The following PTPRG variants were observed in gnomAD, a reference collection of about 807,000 sequenced individuals.
The protein encoded by PTPRG is receptor-type tyrosine-protein phosphatase gamma.
Under a neutral mutation model 165.3 loss-of-function variants are expected in PTPRG, and 102 were observed. The ratio of observed to expected loss-of-function variants is 0.62; its 90% CI spans 0.53 to 0.73. The LOEUF (loss-of-function observed/expected upper bound fraction) is 0.73, where lower values mean the gene tolerates loss of function less well. Among genes scored for constraint, PTPRG ranks in the 30% least tolerant of loss-of-function variants. The probability of loss-of-function intolerance (pLI) is 0.00; values close to 1 mark genes in which losing one functional copy is unlikely to be tolerated. For missense variants in PTPRG, 1,866 were observed against 1,861.4 expected (o/e 1.00, Z -0.05); for synonymous variants, 675 against 669.5 (o/e 1.01, Z -0.13).
intron 5 of PTPRG, among the ~76,000 whole-genome samples, chr3:62,130,071 G>A (rs1244211018): frequency 1.3e-5 from 2 of 152,138 alleles, no homozygotes; most frequent in Admixed American, 6.5e-5. Flanking sequence ...AAAACAGATC[G>A]TTTTATGGGT....
At chr3:61,801,822 C>T (rs527830314) in intron 2 of PTPRG, among the ~76,000 whole-genome samples, 147 of 152,128 alleles carry the variant, frequency 9.7e-4, no homozygotes, top group African/African-American at 3.3e-3. Context: ...GTTTGAGACC[C>T]GCCTGGCCAA....
At chr3:61,711,657 C>G (rs1486648581) in intron 1 of PTPRG, among the ~76,000 whole-genome samples, 1 of 152,166 alleles carries the variant, frequency 6.6e-6, no homozygotes. Context: ...AGGCAACATA[C>G]AGAATGGGAG....
In PTPRG at chr3:62,272,953, G is replaced by A. The variant is rs762879857; in HGVS notation, c.3190G>A (p.Val1064Met). ...GPVLVHCSAG[V>M]GRTGTYIVID... ...TGTCTTCATTTCTTACAGTGCTGGT[G>A]TGGGCAGAACAGGCACCTATATTGT... Residue 1064 changes from valine (V) to methionine (M), a missense_variant, in exon 22 of 30, where the codon GTG becomes ATG. This residue lies in a region of PTPRG where 1,452 missense variants were observed against 1,463.0 expected (regional missense o/e 0.99). Transcript: ENST00000474889. 12 of 1,609,128 alleles carry A rather than the reference G, an allele frequency of 7.5e-6. No homozygotes were observed. Among genetic ancestry groups the A allele is most frequent in the Non-Finnish European group, 1.0e-5 (12 of 1,178,070 alleles).
chr3:62,216,212 A>G (rs534115119), intron 12 of PTPRG, among the ~76,000 whole-genome samples: 58 of 122,550 alleles, frequency 4.7e-4, no homozygotes, highest in African/African-American at 1.9e-3. Flanking sequence ...ACCCTGTTTC[A>G]AAAAAGAAAA....
intron 4 of PTPRG, among the ~76,000 whole-genome samples, chr3:62,032,984 T>C (rs1699818358): frequency 6.6e-6 from 1 of 152,172 alleles, no homozygotes; most frequent in Non-Finnish European, 1.5e-5. Flanking sequence ...AGTTCTAAGA[T>C]AGTGACATGA....
chr3:61,571,630 G>A (rs538550846), intron 1 of PTPRG, among the ~76,000 whole-genome samples: 1 of 152,094 alleles, frequency 6.6e-6, no homozygotes, highest in Non-Finnish European at 1.5e-5. Flanking sequence ...ATTTGTTGGT[G>A]GTGAGTTTTT....
At chr3:61,587,610 T>C (rs1360613973) in intron 1 of PTPRG, among the ~76,000 whole-genome samples, 1 of 152,180 alleles carries the variant, frequency 6.6e-6, no homozygotes, top group Admixed American at 6.5e-5. Context: ...CCCACTAATG[T>C]CTTTTATTTA....
intron 1 of PTPRG, among the ~76,000 whole-genome samples, chr3:61,705,699 A>G (rs1441248116): frequency 6.6e-6 from 1 of 152,124 alleles, no homozygotes; most frequent in Admixed American, 6.5e-5. Flanking sequence ...AGGCTGGTCC[A>G]TTTGTTTCAC....
At position 62,281,645 on chromosome 3, in the gene PTPRG, A is replaced by G. The variant is rs1171275719; in HGVS notation, c.3848A>G (p.Asp1283Gly). The change falls in exon 27 of 30, where the codon GAC becomes GGC. Residue 1283 changes from aspartate to glycine, a missense_variant. This residue lies in a region of PTPRG where 1,452 missense variants were observed against 1,463.0 expected (regional missense o/e 0.99). Coordinates refer to ENST00000474889, the MANE Select transcript of PTPRG (RefSeq NM_002841.4). ...TTTACCGTCACCCTTATCAGCAAAG[A>G]CAGACTGTGCCTCTCTAATGAAGAA... ...EAFTVTLISKDRLCLSNEEQI... is the reference protein window; with the variant it reads ...EAFTVTLISKGRLCLSNEEQI... 2 of 1,606,662 alleles carry G rather than the reference A, an allele frequency of 1.2e-6. No individual in the cohort carries two copies. Among genetic ancestry groups the G allele is most frequent in the East Asian group, 4.5e-5 (2 of 44,452 alleles).
At chr3:62,191,443 C>T in intron 8 of PTPRG, 26 bp from the exon 9 acceptor site, 1 of 1,607,870 alleles carries the variant, frequency 6.2e-7, no homozygotes. Flanking sequence ...TGAAAGCTCC[C>T]TGAGCTGAGC....
At chr3:61,699,126 A>T (rs774500488) in intron 1 of PTPRG, among the ~76,000 whole-genome samples, 89 of 152,296 alleles carry the variant, frequency 5.8e-4, no homozygotes, top group African/African-American at 1.2e-3. Context: ...CATATGTAAC[A>T]AACCTGCATG....
chr3:62,260,485 T>C (rs1039735804), intron 16 of PTPRG, among the ~76,000 whole-genome samples: 1 of 152,202 alleles, frequency 6.6e-6, no homozygotes, highest in African/African-American at 2.4e-5. Flanking sequence ...CAGTCTTCGA[T>C]TTTTTGCTTT....
chr3:61,690,699 C>T (rs1199930270), intron 1 of PTPRG, among the ~76,000 whole-genome samples: 2 of 152,180 alleles, frequency 1.3e-5, no homozygotes, highest in Non-Finnish European at 2.9e-5. Context: ...AAACTGTTCA[C>T]TCAGATGGTT....
At chr3:61,777,670 C>A (rs1331293321) in intron 2 of PTPRG, among the ~76,000 whole-genome samples, 1 of 152,126 alleles carries the variant, frequency 6.6e-6, no homozygotes, top group East Asian at 1.9e-4. Context: ...CCGTGGAAAT[C>A]CGGGAAGACT....
At chr3:61,939,404 C>A (rs1049677586) in intron 2 of PTPRG, among the ~76,000 whole-genome samples, 1 of 152,036 alleles carries the variant, frequency 6.6e-6, no homozygotes, top group African/African-American at 2.4e-5. Flanking sequence ...GTGATGGAAC[C>A]TAAAGAAAAA....
intron 5 of PTPRG, among the ~76,000 whole-genome samples, chr3:62,127,167 C>A (rs1703323533): frequency 6.6e-6 from 1 of 152,138 alleles, no homozygotes; most frequent in African/African-American, 2.4e-5. Flanking sequence ...ATAAAGGAAG[C>A]CAGGCAGTGA....
At chr3:61,929,966 A>G (rs758758475) in intron 2 of PTPRG, among the ~76,000 whole-genome samples, 1 of 152,160 alleles carries the variant, frequency 6.6e-6, no homozygotes, top group African/African-American at 2.4e-5. Context: ...AATTAAAACT[A>G]TTAGTAATGC....
At chr3:62,044,996 T>C (rs991819457) in intron 4 of PTPRG, among the ~76,000 whole-genome samples, 1 of 152,178 alleles carries the variant, frequency 6.6e-6, no homozygotes, top group Non-Finnish European at 1.5e-5. Flanking sequence ...CAAAAGAGTG[T>C]GACCCGGATG....
intron 3 of PTPRG, among the ~76,000 whole-genome samples, chr3:61,996,615 G>T (rs768989072): frequency 1.3e-5 from 2 of 152,148 alleles, no homozygotes; most frequent in Non-Finnish European, 2.9e-5. Flanking sequence ...GTACCCTGGG[G>T]CATCTCTGGT....
Sources: allele counts gnomAD v4.1 joint callset (sites outside exome capture counted in the v4.1 genomes callset), GRCh38; gene constraint gnomAD v4.1.1; regional missense constraint gnomAD v4.1.1; transcripts MANE v1.5; gene names NCBI Gene and HGNC (gene_info 2026-07-23, HGNC 2026-07-21).